The following CCDC141 variants were observed in gnomAD, a reference collection of about 807,000 sequenced individuals.
The protein encoded by CCDC141 is coiled-coil domain containing 141.
Under a neutral mutation model 181.0 loss-of-function variants are expected in CCDC141, and 168 were observed. The observed-to-expected ratio is 0.93, with a 90% CI of 0.82 to 1.05. The LOEUF is 1.05. CCDC141 is among the 50% of genes least tolerant of loss of function. The pLI, the probability that CCDC141 is intolerant of heterozygous loss-of-function variation, is 0.00. For missense variants in CCDC141, 1,902 were observed against 1,788.5 expected (o/e 1.06, Z -1.14); for synonymous variants, 666 against 642.3 (o/e 1.04, Z -0.56).
chr2:178,969,153 A>T, intron 4 of CCDC141, among the ~76,000 whole-genome samples: 1 of 149,720 alleles, frequency 6.7e-6, no homozygotes, highest in African/African-American at 2.5e-5. Context: ...ACGGATTCAC[A>T]GCTGAATTCT....
At position 178,836,950 on chromosome 2, in the gene CCDC141, AC is replaced by A. The variant is rs755135869; in HGVS notation, c.4268del (p.Gly1423ValfsTer4). 6.2e-7 allele frequency: 1 copy of A among 1,613,924 alleles called. No homozygotes were observed. Among genetic ancestry groups the A allele is most frequent in the South Asian group, 1.1e-5 (1 of 91,054 alleles). ...RLLSNVTVME[G>X]SPVTLEVEVT... ...CTTCAACTTCCAAAGTCACTGGAGAACCTTCCATGACAGTTACATTAGACAG... is the reference window on the plus strand; with the variant it reads ...CTTCAACTTCCAAAGTCACTGGAGAACTTCCATGACAGTTACATTAGACAG... On this transcript the variant is annotated frameshift_variant, in exon 23 of 24. Transcript: ENST00000443758. LOFTEE classifies it high-confidence loss of function.
intron 16 of CCDC141, 40 bp downstream of exon 16, chr2:178,867,986 C>A: frequency 1.3e-6 from 2 of 1,525,064 alleles, no homozygotes; most frequent in Non-Finnish European, 1.8e-6. Flanking sequence ...CAAGCCCCAG[C>A]TAGAACTGAG....
At chr2:178,911,872 C>T (rs1281408688) in intron 7 of CCDC141, among the ~76,000 whole-genome samples, 1 of 151,768 alleles carries the variant, frequency 6.6e-6, no homozygotes, top group Non-Finnish European at 1.5e-5. Flanking sequence ...AGATGACAAG[C>T]CCTTTACACA....
chr2:178,989,774 C>A (rs756919512), intron 2 of CCDC141, among the ~76,000 whole-genome samples: 1 of 133,104 alleles, frequency 7.5e-6, no homozygotes. Flanking sequence ...TAGAAAAATG[C>A]AAATCAAAAG....
In CCDC141 at chr2:179,044,974, T is replaced by TC. The variant is rs201646239; in HGVS notation, c.225+2309_225+2310insG. On this transcript the variant is annotated intron_variant, in intron 2 of 23. Coordinates refer to ENST00000443758, the MANE Select transcript of CCDC141 (RefSeq NM_173648.4). ...TCCACATCATAATGGGGTTTTTCTT[T>TC]TTTTTTCTTTCACTTTCATTTTTAT... Among the ~76,000 whole-genome samples the TC allele has an allele frequency of 4.4e-3, 670 of 151,894 alleles. 6 individuals carry two copies. Among genetic ancestry groups the TC allele is most frequent in the African/African-American group, 0.015 (642 of 41,434 alleles).
At chr2:178,952,399 T>C (rs1432484292) in intron 5 of CCDC141, among the ~76,000 whole-genome samples, 1 of 152,206 alleles carries the variant, frequency 6.6e-6, no homozygotes, top group Non-Finnish European at 1.5e-5. Context: ...TTACAATAAA[T>C]CTATAGGTAG....
intron 6 of CCDC141, among the ~76,000 whole-genome samples, chr2:178,941,958 C>CAAAAAAAAAAAAA (rs66903231): frequency 2.8e-5 from 2 of 71,490 alleles, no homozygotes; most frequent in African/African-American, 1.3e-4. Flanking sequence ...GATCCCATCT[C>CAAAAAAAAAAAAA]AAAAAAAAAA....
At chr2:178,841,771 A>G (rs1217197962) in intron 22 of CCDC141, among the ~76,000 whole-genome samples, 4 of 152,124 alleles carry the variant, frequency 2.6e-5, no homozygotes, top group African/African-American at 9.7e-5. Flanking sequence ...CAGGCTCCCA[A>G]GTAGCTGGGA....
chr2:178,982,289 T>C (rs1473597704), intron 2 of CCDC141, among the ~76,000 whole-genome samples: 1 of 152,140 alleles, frequency 6.6e-6, no homozygotes, highest in Non-Finnish European at 1.5e-5. Context: ...AACAAAAAAA[T>C]TGGTTGTGTT....
At chr2:178,894,774 G>A (rs979809974) in intron 8 of CCDC141, among the ~76,000 whole-genome samples, 1 of 151,882 alleles carries the variant, frequency 6.6e-6, no homozygotes, top group African/African-American at 2.4e-5. Context: ...AAGAGACCAA[G>A]AGGCTCCAAC....
At chr2:178,902,161 A>G (rs940760333) in intron 8 of CCDC141, among the ~76,000 whole-genome samples, 13 of 152,190 alleles carry the variant, frequency 8.5e-5, no homozygotes, top group South Asian at 2.1e-4. Flanking sequence ...AATCAATATC[A>G]TGAAAATGGC....
chr2:179,015,941 A>G (rs1202135742), intron 2 of CCDC141, among the ~76,000 whole-genome samples: 1 of 145,070 alleles, frequency 6.9e-6, no homozygotes, highest in South Asian at 2.1e-4. Flanking sequence ...TTTCATATAT[A>G]TCATATATAT....
At chr2:178,980,753 T>G (rs1691341960) in intron 2 of CCDC141, among the ~76,000 whole-genome samples, 2 of 152,206 alleles carry the variant, frequency 1.3e-5, no homozygotes, top group African/African-American at 4.8e-5. Context: ...TGAAGTGATA[T>G]GTCAATTAGC....
chr2:178,900,110 TATA>T (rs1206357286), intron 8 of CCDC141, among the ~76,000 whole-genome samples: 1 of 152,190 alleles, frequency 6.6e-6, no homozygotes, highest in African/African-American at 2.4e-5. Flanking sequence ...TATAAAATAT[TATA>T]ATATCTCGAG....
rs1047093149 is a variant in CCDC141 at position 178,833,332 on chromosome 2, T to A, written c.*841A>T. 6.6e-6 allele frequency: 1 copy of A among 152,186 alleles called. No homozygotes were observed. The highest frequency in any genetic ancestry group is 6.5e-5 in the Admixed American group (1 of 15,268). 9.4% of individuals were successfully genotyped at this position (152,186 alleles called of 1,614,324 possible). A position where few individuals can be genotyped will look rare whatever the true frequency, so the allele number is the denominator to read the frequency against. ...AACTCTCAATTGCCCAAGAGGTAGA[T>A]GATGAACTCATTTTCCAGACAGGAA... On this transcript the variant is annotated 3_prime_UTR_variant, in exon 24 of 24. Coordinates refer to ENST00000443758, the MANE Select transcript of CCDC141 (RefSeq NM_173648.4).
chr2:179,035,961 T>A (rs1431358081), intron 2 of CCDC141, among the ~76,000 whole-genome samples: 1 of 152,106 alleles, frequency 6.6e-6, no homozygotes, highest in East Asian at 1.9e-4. Context: ...GCCAAAAGAG[T>A]TGACAGTATT....
rs546712577 is a variant in CCDC141 at position 178,974,550 on chromosome 2, T to C, written c.526+507A>G. 6.3e-3 allele frequency among the ~76,000 whole-genome samples: 952 copies of C among 152,304 alleles called. 3 individuals are homozygous for C. The highest frequency in any genetic ancestry group is 9.0e-3 in the Non-Finnish European group (609 of 68,014). On this transcript the variant is annotated intron_variant, in intron 4 of 23. Transcript: ENST00000443758. ...TCAGAGGGAACTGAAAATCTTTTTG[T>C]AGAGTGTTTTATTAGATTTTCATCT...
intron 21 of CCDC141, 86 bp from the exon 22 acceptor site, chr2:178,845,828 A>AC (rs1684916721): frequency 2.6e-6 from 2 of 775,934 alleles, no homozygotes; most frequent in Admixed American, 3.7e-5. Flanking sequence ...GAAAACATAG[A>AC]CCACTTGCAA....
intron 17 of CCDC141, among the ~76,000 whole-genome samples, chr2:178,863,519 G>C (rs1044787591): frequency 2.0e-5 from 3 of 152,152 alleles, no homozygotes; most frequent in African/African-American, 7.2e-5. Flanking sequence ...ATAATGTCTA[G>C]ATAGCAAATA....
Sources: allele counts gnomAD v4.1 joint callset (sites outside exome capture counted in the v4.1 genomes callset), GRCh38; gene constraint gnomAD v4.1.1; transcripts MANE v1.5; gene names NCBI Gene and HGNC (gene_info 2026-07-23, HGNC 2026-07-21).